The following FRMD3 variants were observed in gnomAD, a reference collection of about 807,000 sequenced individuals.
The protein encoded by FRMD3 is FERM domain containing 3.
In FRMD3, 33 loss-of-function variants were observed where a neutral mutation model predicts 70.2. The ratio of observed to expected loss-of-function variants is 0.47; its 90% CI spans 0.36 to 0.63. The LOEUF (loss-of-function observed/expected upper bound fraction) is 0.63, where lower values mean the gene tolerates loss of function less well. FRMD3 is among the 20% of genes least tolerant of loss of function. The pLI is 0.00. For missense variants in FRMD3, 632 were observed against 711.4 expected (o/e 0.89, Z 1.27); for synonymous variants, 279 against 255.9 (o/e 1.09, Z -0.86).
chr9:83,387,809 G>A (rs1825554053), intron 2 of FRMD3, among the ~76,000 whole-genome samples: 2 of 152,136 alleles, frequency 1.3e-5, no homozygotes, highest in South Asian at 4.1e-4. Context: ...GACCAAAGCT[G>A]GCTTGGCTGC....
At chr9:83,380,473 T>C (rs1430299957) in intron 2 of FRMD3, among the ~76,000 whole-genome samples, 2 of 152,218 alleles carry the variant, frequency 1.3e-5, no homozygotes, top group African/African-American at 2.4e-5. Flanking sequence ...GTTTCTTTCT[T>C]TTTAATTTTG....
intron 1 of FRMD3, chr9:83,467,639 G>A (rs1828164335): frequency 2.6e-6 from 4 of 1,533,804 alleles, no homozygotes; most frequent in Admixed American, 2.0e-5. Flanking sequence ...GCATAAGCAG[G>A]TCTCCTTGTG....
intron 6 of FRMD3, among the ~76,000 whole-genome samples, chr9:83,315,886 C>G (rs1835547900): frequency 6.6e-6 from 1 of 152,154 alleles, no homozygotes. Context: ...AAGTTGTCCA[C>G]TTGCTTCAAA....
chr9:83,425,783 T>C (rs919143181), intron 1 of FRMD3, among the ~76,000 whole-genome samples: 10 of 151,584 alleles, frequency 6.6e-5, no homozygotes, highest in Non-Finnish European at 1.5e-4. Flanking sequence ...GGCACATGCC[T>C]GTAATCCCAG....
At chr9:83,254,693 A>T (rs1207234459) in intron 13 of FRMD3, among the ~76,000 whole-genome samples, 1 of 152,212 alleles carries the variant, frequency 6.6e-6, no homozygotes, top group Non-Finnish European at 1.5e-5. Flanking sequence ...GGTAAGGGGG[A>T]TATCACCACT....
At chr9:83,313,768 T>C (rs771506706) in intron 6 of FRMD3, 21 bp from the exon 7 acceptor site, 4 of 1,581,966 alleles carry the variant, frequency 2.5e-6, no homozygotes, top group Non-Finnish European at 3.5e-6. Flanking sequence ...ACAAGAAAAG[T>C]TGAGGCAGTT....
chr9:83,487,647 C>G (rs999363169), intron 1 of FRMD3, among the ~76,000 whole-genome samples: 2 of 152,078 alleles, frequency 1.3e-5, no homozygotes, highest in Non-Finnish European at 2.9e-5. Flanking sequence ...GCTAGGAGAG[C>G]CCTTATAAGC....
intron 7 of FRMD3, 145 bp from the exon 8 acceptor site, chr9:83,312,120 A>C: frequency 1.5e-6 from 1 of 652,370 alleles, no homozygotes; most frequent in South Asian, 2.1e-5. Flanking sequence ...AGTTTCTGAG[A>C]TGGAACTTCT....
chr9:83,513,202 T>G (rs1475162025), intron 1 of FRMD3, among the ~76,000 whole-genome samples: 1 of 152,196 alleles, frequency 6.6e-6, no homozygotes, highest in Non-Finnish European at 1.5e-5. Context: ...ACAAAGCATT[T>G]CTCCAGGTCA....
chr9:83,416,249 A>C (rs1195233230), intron 1 of FRMD3, among the ~76,000 whole-genome samples: 2 of 152,114 alleles, frequency 1.3e-5, no homozygotes, highest in Non-Finnish European at 2.9e-5. Flanking sequence ...GTCTACATTG[A>C]TTTTCTTAAA....
intron 13 of FRMD3, chr9:83,275,868 A>G (rs1563988964): frequency 6.6e-6 from 1 of 152,214 alleles, no homozygotes; most frequent in Non-Finnish European, 1.5e-5. Context: ...CCAGACAGGG[A>G]ATTTCACAAC....
intron 5 of FRMD3, among the ~76,000 whole-genome samples, chr9:83,339,516 T>C (rs1823688069): frequency 6.6e-6 from 1 of 152,094 alleles, no homozygotes; most frequent in Non-Finnish European, 1.5e-5. Flanking sequence ...GTGAGTAAGG[T>C]CAGAAACAGT....
intron 1 of FRMD3, among the ~76,000 whole-genome samples, chr9:83,451,204 G>A (rs534238817): frequency 8.9e-4 from 136 of 152,210 alleles, no homozygotes; most frequent in African/African-American, 3.2e-3. Context: ...GATTAAGCGA[G>A]GTTAGATTGT....
At chr9:83,380,872 C>T (rs1434083079) in intron 2 of FRMD3, among the ~76,000 whole-genome samples, 1 of 152,066 alleles carries the variant, frequency 6.6e-6, no homozygotes, top group Non-Finnish European at 1.5e-5. Flanking sequence ...AATGCACTTC[C>T]CCAGACAAGA....
chr9:83,372,766 C>G, intron 3 of FRMD3, 147 bp downstream of exon 3: 1 of 716,974 alleles, frequency 1.4e-6, no homozygotes. Context: ...GGAGAAAATA[C>G]AGAGCTCTCC....
At chr9:83,302,393 AC>A (rs2131021692) in intron 10 of FRMD3, among the ~76,000 whole-genome samples, 1 of 152,284 alleles carries the variant, frequency 6.6e-6, no homozygotes, top group South Asian at 2.1e-4. Context: ...ACCTGAAAGA[AC>A]AGTGGTCCAG....
chr9:83,313,919 A>T (rs1044079903), intron 6 of FRMD3, among the ~76,000 whole-genome samples, 172 bp from the exon 7 acceptor site: 21 of 152,224 alleles, frequency 1.4e-4, no homozygotes, highest in African/African-American at 5.1e-4. Context: ...TCCTTTACTA[A>T]GGAACCCGAG....
chr9:83,357,264 TA>T (rs1345115866), intron 3 of FRMD3, among the ~76,000 whole-genome samples: 1 of 67,886 alleles, frequency 1.5e-5, no homozygotes, highest in South Asian at 4.3e-4. Flanking sequence ...TATATATATA[TA>T]TATATATATA....
intron 1 of FRMD3, among the ~76,000 whole-genome samples, chr9:83,429,794 CTT>C (rs1197140230): frequency 6.6e-6 from 1 of 152,180 alleles, no homozygotes; most frequent in Non-Finnish European, 1.5e-5. Flanking sequence ...GTCTTCGTCT[CTT>C]GTCTCTGCCA....
Sources: allele counts gnomAD v4.1 joint callset (sites outside exome capture counted in the v4.1 genomes callset), GRCh38; gene constraint gnomAD v4.1.1; transcripts MANE v1.5; gene names NCBI Gene and HGNC (gene_info 2026-07-23, HGNC 2026-07-21).